Variants in SYT1 observed in about 807,000 individuals in gnomAD.
SYT1 encodes synaptotagmin 1, also known as synaptotagmin-1.
Under a neutral mutation model 44.8 loss-of-function variants are expected in SYT1, and 8 were observed. The observed-to-expected ratio is 0.18, with a 90% CI of 0.10 to 0.32. The LOEUF is 0.32. SYT1 is among the 10% of genes least tolerant of loss of function. The probability of loss-of-function intolerance (pLI) is 1.00; values close to 1 mark genes in which losing one functional copy is unlikely to be tolerated. For missense variants in SYT1, 286 were observed against 509.3 expected (o/e 0.56, Z 4.22); for synonymous variants, 154 against 188.8 (o/e 0.82, Z 1.51).
At chr12:79,353,929 A>C (rs1260464379) in intron 9 of SYT1, among the ~76,000 whole-genome samples, 1 of 152,170 alleles carries the variant, frequency 6.6e-6, no homozygotes, top group South Asian at 2.1e-4. Flanking sequence ...GACAGATTAT[A>C]ATTTTGTTGA....
chr12:78,998,214 T>C (rs181433746), intron 2 of SYT1, among the ~76,000 whole-genome samples: 157 of 152,256 alleles, frequency 1.0e-3, no homozygotes, highest in African/African-American at 2.7e-3. Context: ...AAAAGAAAAA[T>C]ATTGAAATTA....
intron 3 of SYT1, among the ~76,000 whole-genome samples, chr12:79,095,184 G>A (rs1409067494): frequency 2.0e-5 from 3 of 151,800 alleles, no homozygotes; most frequent in African/African-American, 7.3e-5. Context: ...AAAGTCAAGA[G>A]TTATACAAAT....
intron 3 of SYT1, 142 bp from the exon 4 acceptor site, chr12:79,217,361 C>A: frequency 1.6e-6 from 1 of 635,500 alleles, no homozygotes; most frequent in Non-Finnish European, 2.4e-6. Flanking sequence ...CATTTACCAA[C>A]ACAAAGCAAT....
chr12:79,089,580 A>G (rs969734766), intron 3 of SYT1, among the ~76,000 whole-genome samples: 1 of 151,988 alleles, frequency 6.6e-6, no homozygotes, highest in African/African-American at 2.4e-5. Context: ...CATTGGTTCA[A>G]ATTCAAACTA....
rs188842352 is a variant in SYT1 at position 78,893,719 on chromosome 12, G to A, written c.-217+28610G>A. On this transcript the variant is annotated intron_variant, in intron 1 of 10. Transcript: ENST00000261205. Reference sequence around the variant, plus strand: ...ACTTTAACTAAAAAGATAGGTTTAAGGCTAGAATTTATCTCATGTTTTATA... The same window carrying A: ...ACTTTAACTAAAAAGATAGGTTTAAAGCTAGAATTTATCTCATGTTTTATA... Among the ~76,000 whole-genome samples the A allele has an allele frequency of 1.8e-3, 269 of 151,736 alleles. 2 individuals are homozygous for A. Among genetic ancestry groups the A allele is most frequent in the African/African-American group, 6.3e-3 (262 of 41,458 alleles).
chr12:78,948,071 A>G (rs1161394923), intron 1 of SYT1, among the ~76,000 whole-genome samples: 2 of 151,856 alleles, frequency 1.3e-5, no homozygotes, highest in African/African-American at 2.4e-5. Flanking sequence ...AAATATAACA[A>G]TGAAAGGTCC....
intron 2 of SYT1, among the ~76,000 whole-genome samples, chr12:79,006,320 A>G (rs1343772388): frequency 6.6e-6 from 1 of 152,130 alleles, no homozygotes; most frequent in Admixed American, 6.6e-5. Context: ...CAATGGATCA[A>G]GTGACTCCTG....
intron 1 of SYT1, among the ~76,000 whole-genome samples, chr12:78,954,864 A>G (rs1265147289): frequency 1.3e-5 from 2 of 152,144 alleles, no homozygotes; most frequent in African/African-American, 4.8e-5. Flanking sequence ...ACTATTAGTC[A>G]GAAATTTAAA....
At chr12:79,002,908 T>A (rs535918196) in intron 2 of SYT1, among the ~76,000 whole-genome samples, 2 of 152,174 alleles carry the variant, frequency 1.3e-5, no homozygotes, top group East Asian at 3.9e-4. Context: ...AGTACAAGGA[T>A]CTTTTATTTA....
intron 2 of SYT1, among the ~76,000 whole-genome samples, chr12:79,007,045 T>A (rs1312162443): frequency 6.6e-6 from 1 of 152,090 alleles, no homozygotes; most frequent in East Asian, 1.9e-4. Flanking sequence ...TATAAGTGTT[T>A]TCAATGTGAA....
intron 3 of SYT1, 84 bp from the exon 4 acceptor site, chr12:79,217,419 G>A: frequency 8.0e-7 from 1 of 1,250,396 alleles, no homozygotes; most frequent in South Asian, 1.9e-5. Flanking sequence ...CACCTCTGAT[G>A]TTGTTTCATC....
chr12:78,899,006 A>T (rs987050909), intron 1 of SYT1, among the ~76,000 whole-genome samples: 18 of 152,072 alleles, frequency 1.2e-4, no homozygotes, highest in African/African-American at 4.3e-4. Flanking sequence ...ATACATCTTT[A>T]GTGAGTGTCT....
chr12:78,896,448 C>A (rs1008364260), intron 1 of SYT1, among the ~76,000 whole-genome samples: 1 of 151,554 alleles, frequency 6.6e-6, no homozygotes. Context: ...GGTCAAAAAA[C>A]AAGGATAAAT....
intron 1 of SYT1, among the ~76,000 whole-genome samples, chr12:78,895,152 A>G (rs1446647517): frequency 1.3e-5 from 2 of 151,756 alleles, no homozygotes; most frequent in Non-Finnish European, 2.9e-5. Context: ...CAAAATACTT[A>G]GAAAATAAAT....
chr12:78,926,029 T>C (rs1262337227), intron 1 of SYT1, among the ~76,000 whole-genome samples: 2 of 152,078 alleles, frequency 1.3e-5, no homozygotes, highest in East Asian at 1.9e-4. Flanking sequence ...AGGAGTAATA[T>C]AGAAAACATA....
At chr12:79,268,401 T>C (rs1408356954) in intron 4 of SYT1, among the ~76,000 whole-genome samples, 1 of 152,216 alleles carries the variant, frequency 6.6e-6, no homozygotes, top group Non-Finnish European at 1.5e-5. Context: ...TAATTTGGAA[T>C]TAAGATGATA....
chr12:79,083,698 A>G (rs1041247256), intron 3 of SYT1, among the ~76,000 whole-genome samples: 4 of 152,158 alleles, frequency 2.6e-5, no homozygotes, highest in African/African-American at 9.6e-5. Flanking sequence ...AGATATCCAT[A>G]TTTTATGAAA....
At chr12:79,235,680 A>AAT (rs948054338) in intron 4 of SYT1, among the ~76,000 whole-genome samples, 1 of 149,686 alleles carries the variant, frequency 6.7e-6, no homozygotes, top group Non-Finnish European at 1.5e-5. Flanking sequence ...TCATTTCCAT[A>AAT]ATATATATAT....
chr12:79,000,849 T>C (rs1323796085), intron 2 of SYT1, among the ~76,000 whole-genome samples: 1 of 152,140 alleles, frequency 6.6e-6, no homozygotes, highest in Non-Finnish European at 1.5e-5. Flanking sequence ...TTAACATCAA[T>C]ATCTGTTGAT....
Sources: gnomAD v4.1 joint callset for allele counts (sites outside exome capture counted in the v4.1 genomes callset) on GRCh38, gnomAD v4.1.1 for gene constraint, MANE v1.5 for transcripts, NCBI Gene and HGNC (gene_info 2026-07-23, HGNC 2026-07-21) for gene names.